RARB: variants seen among roughly 807,000 people sequenced by gnomAD.
RARB encodes retinoic acid receptor beta.
RARB carries 17 observed loss-of-function variants against 51.9 expected under a neutral mutation model. The ratio of observed to expected loss-of-function variants is 0.33; its 90% CI spans 0.22 to 0.49. RARB has a LOEUF of 0.49. RARB is among the 20% of genes least tolerant of loss of function. RARB has a pLI of 0.99. For missense variants in RARB, 369 were observed against 550.8 expected (o/e 0.67, Z 3.30); for synonymous variants, 215 against 195.4 (o/e 1.10, Z -0.84).
At chr3:24,910,803 A>T (rs1210971990) in intron 2 of RARB, among the ~76,000 whole-genome samples, 2 of 152,148 alleles carry the variant, frequency 1.3e-5, no homozygotes, top group Non-Finnish European at 2.9e-5. Flanking sequence ...GAAACCCCAA[A>T]ATGACATATA....
chr3:25,048,786 C>CTCTGTTGCCCAGGCTGGATT (rs1559447162), intron 2 of RARB, among the ~76,000 whole-genome samples: 2 of 138,746 alleles, frequency 1.4e-5, no homozygotes, highest in Non-Finnish European at 3.0e-5. Context: ...GACGGAGTCT[C>CTCTGTTGCCCAGGCTGGATT]GCTCTGTTGC....
intron 5 of RARB, among the ~76,000 whole-genome samples, chr3:25,247,897 T>C (rs1433855979): frequency 6.6e-6 from 1 of 152,262 alleles, no homozygotes; most frequent in Non-Finnish European, 1.5e-5. Context: ...TTAGATCCAT[T>C]AGTCTAAAGT....
chr3:25,573,591 G>A (rs1299083321), intron 4 of RARB, among the ~76,000 whole-genome samples: 1 of 152,208 alleles, frequency 6.6e-6, no homozygotes, highest in Non-Finnish European at 1.5e-5. Context: ...TTTATTGTGA[G>A]CCACTTAAAA....
rs113457653 is a variant in RARB at position 25,583,167 on chromosome 3, T to A, written c.786+2445T>A. Among the ~76,000 whole-genome samples the A allele has an allele frequency of 6.5e-3, 996 of 152,306 alleles. 12 individuals carry two copies. Among genetic ancestry groups the A allele is most frequent in the African/African-American group, 0.022 (935 of 41,566 alleles). On this transcript the variant is annotated intron_variant, in intron 5 of 7. Transcript: ENST00000330688. ...GTTCGAAGGAATACCCATTTGGCCC[T>A]AGGCAAGAGCTTGTTTCCAAGAATT...
At chr3:24,867,163 C>G (rs1037437622) in intron 2 of RARB, among the ~76,000 whole-genome samples, 20 of 152,210 alleles carry the variant, frequency 1.3e-4, no homozygotes, top group African/African-American at 4.8e-4. Flanking sequence ...ATGTCTACAC[C>G]TTAGCAGAAT....
At chr3:24,836,285 G>A (rs774414405) in intron 1 of RARB, among the ~76,000 whole-genome samples, 8 of 152,166 alleles carry the variant, frequency 5.3e-5, no homozygotes, top group Non-Finnish European at 8.8e-5. Context: ...GATCCTATAC[G>A]TGGCAAGGGA....
rs145718609 is a variant in RARB at position 25,540,190 on chromosome 3, C to T, written c.449-29568C>T. 9.3e-3 allele frequency among the ~76,000 whole-genome samples: 1,421 copies of T among 152,266 alleles called. 10 individuals carry two copies. Among genetic ancestry groups the T allele is most frequent in the Non-Finnish European group, 0.013 (882 of 68,018 alleles). On this transcript the variant is annotated intron_variant, in intron 3 of 7. Transcript: ENST00000330688. ...TTAGTAATTGATCAATTCCTTCCTT[C>T]ACTCACCATCCAGTGAAGCATCCAG...
At chr3:25,487,139 TAAG>T (rs1696513333) in intron 2 of RARB, among the ~76,000 whole-genome samples, 1 of 152,130 alleles carries the variant, frequency 6.6e-6, no homozygotes, top group Non-Finnish European at 1.5e-5. Flanking sequence ...ACAGCTTCCT[TAAG>T]AAGCCTGGCC....
At chr3:24,884,327 T>C (rs1176334597) in intron 2 of RARB, among the ~76,000 whole-genome samples, 1 of 152,144 alleles carries the variant, frequency 6.6e-6, no homozygotes, top group Admixed American at 6.5e-5. Context: ...CACTGAAATA[T>C]GAAAGCCATT....
intron 2 of RARB, among the ~76,000 whole-genome samples, chr3:24,972,761 C>A (rs980665799): frequency 2.6e-5 from 4 of 151,926 alleles, no homozygotes; most frequent in Non-Finnish European, 4.4e-5. Flanking sequence ...AACATTTTTT[C>A]ATATACCCCG....
chr3:25,096,006 T>G (rs1192143042), intron 3 of RARB, among the ~76,000 whole-genome samples: 2 of 152,172 alleles, frequency 1.3e-5, no homozygotes, highest in Non-Finnish European at 2.9e-5. Flanking sequence ...AAGTGACTTC[T>G]CTCCTGCCTC....
chr3:25,075,344 C>T (rs1367742795), intron 3 of RARB, among the ~76,000 whole-genome samples: 2 of 152,166 alleles, frequency 1.3e-5, no homozygotes, highest in South Asian at 4.1e-4. Context: ...AGCCAACAAA[C>T]CAGTTTCAGT....
At chr3:25,268,448 T>A (rs1026799195) in intron 5 of RARB, among the ~76,000 whole-genome samples, 1 of 152,102 alleles carries the variant, frequency 6.6e-6, no homozygotes, top group African/African-American at 2.4e-5. Flanking sequence ...GTGTTTTTCA[T>A]ATTATTTTCT....
At chr3:24,972,129 T>C (rs1374358101) in intron 2 of RARB, among the ~76,000 whole-genome samples, 1 of 151,918 alleles carries the variant, frequency 6.6e-6, no homozygotes, top group Non-Finnish European at 1.5e-5. Flanking sequence ...TTAATCAACC[T>C]CTCTTCAGCC....
intron 4 of RARB, among the ~76,000 whole-genome samples, chr3:25,137,043 G>C (rs1245708558): frequency 6.6e-6 from 1 of 152,042 alleles, no homozygotes; most frequent in Admixed American, 6.6e-5. Context: ...CAAACTGTTT[G>C]TGTAATCACT....
chr3:25,323,662 C>A (rs2125440782), intron 5 of RARB, among the ~76,000 whole-genome samples: 1 of 152,280 alleles, frequency 6.6e-6, no homozygotes, highest in Non-Finnish European at 1.5e-5. Flanking sequence ...TAGAACTCTT[C>A]AGAAAACCCA....
At chr3:25,193,279 A>G (rs770231483) in intron 5 of RARB, among the ~76,000 whole-genome samples, 1 of 152,070 alleles carries the variant, frequency 6.6e-6, no homozygotes, top group Non-Finnish European at 1.5e-5. Context: ...AGAAAATTGT[A>G]TTCTCATAGA....
At chr3:25,304,360 C>A (rs1195242240) in intron 5 of RARB, among the ~76,000 whole-genome samples, 2 of 152,198 alleles carry the variant, frequency 1.3e-5, no homozygotes, top group African/African-American at 2.4e-5. Context: ...TGTAAGATCC[C>A]CTCCACTTGC....
chr3:25,529,911 A>G (rs1018503606), intron 3 of RARB, among the ~76,000 whole-genome samples: 2 of 152,210 alleles, frequency 1.3e-5, no homozygotes, highest in Non-Finnish European at 1.5e-5. Context: ...TGATTTTTAA[A>G]ACCCCTCAGT....
Sources: allele counts gnomAD v4.1 joint callset (sites outside exome capture counted in the v4.1 genomes callset), GRCh38; gene constraint gnomAD v4.1.1; transcripts MANE v1.5; gene names NCBI Gene and HGNC (gene_info 2026-07-23, HGNC 2026-07-21).